BRD1: variants seen among roughly 807,000 people sequenced by gnomAD.
BRD1 encodes bromodomain-containing protein 1.
In BRD1, 24 loss-of-function variants were observed where a neutral mutation model predicts 107.7. The ratio of observed to expected loss-of-function variants is 0.22; its 90% CI spans 0.16 to 0.31. BRD1 has a LOEUF of 0.31. Ranked by LOEUF, BRD1 falls within the 10% of genes least tolerant of loss-of-function variation. The pLI is 1.00. For missense variants in BRD1, 1,279 were observed against 1,638.6 expected, an observed-to-expected ratio of 0.78 and a Z score of 3.79; for synonymous variants, 744 against 686.1, an observed-to-expected ratio of 1.08 and a Z score of -1.32.
chr22:49,819,235 G>A (rs898571243), intron 2 of BRD1, among the ~76,000 whole-genome samples: 20 of 151,958 alleles, frequency 1.3e-4, no homozygotes, highest in African/African-American at 4.3e-4. Context: ...ACTCCAGCCT[G>A]GGCAACAGAG....
At chr22:49,794,357 C>T (rs1419894991) in intron 6 of BRD1, 63 bp from the exon 7 acceptor site, 8 of 1,538,710 alleles carry the variant, frequency 5.2e-6, no homozygotes, top group African/African-American at 1.4e-5. Flanking sequence ...AACACATCAC[C>T]GGTCCCGTCT....
At chr22:49,800,543 AC>A (rs1337383664) in intron 3 of BRD1, among the ~76,000 whole-genome samples, 1 of 152,182 alleles carries the variant, frequency 6.6e-6, no homozygotes, top group Non-Finnish European at 1.5e-5. Context: ...GGAATCTGTT[AC>A]GAAGCGGAAG....
At chr22:49,800,184 G>A (rs181789917) in intron 3 of BRD1, among the ~76,000 whole-genome samples, 413 of 152,246 alleles carry the variant, frequency 2.7e-3, no homozygotes, top group Admixed American at 6.2e-3. Context: ...AAAGACTGCT[G>A]GACTACAAGA....
At position 49,797,880 on chromosome 22, in the gene BRD1, A is replaced by C; in HGVS notation, c.2023T>G (p.Leu675Val). The change falls in exon 6 of 13, where the codon TTG (leucine) becomes GTG (valine). Residue 675 changes from leucine (L) to valine (V), a missense_variant. Physicochemically the swap from Leu to Val is conservative, Grantham distance 32 (BLOSUM62 1). Around this residue, in one of 7 missense-constraint regions of BRD1, gnomAD observed 406 missense variants for 519.4 expected, o/e 0.78. Transcript: ENST00000404760. The stretch of plus-strand genomic sequence containing the variant: ...AGGTGCATCCCCGAGGCCTCTTCCA[A>C]GCCGATGCTGTCCACCTCGCGCCGG... ...QARREVDSIG[L>V]EEASGMHLPE... The C allele has an allele frequency of 1.2e-6, 2 of 1,613,842 alleles. No individual in the cohort carries two copies. The highest frequency in any genetic ancestry group is 1.7e-6 in the Non-Finnish European group (2 of 1,180,034).
In BRD1 at chr22:49,818,413, G is replaced by A. The variant is rs1169674769; in HGVS notation, c.1367+4538C>T. ...GAGTTTTGTTAAACAGATTATGCGT[G>A]TATTTATCCCTCATTTCATGCAATA... is the stretch of plus-strand genomic sequence containing the variant. On this transcript the variant is annotated intron_variant, in intron 2 of 12. Coordinates refer to ENST00000404760, the MANE Select transcript of BRD1 (RefSeq NM_001304808.3). 3 of 1,096,732 alleles carry A rather than the reference G, an allele frequency of 2.7e-6. 1 individual carries two copies. The highest frequency in any genetic ancestry group is 1.6e-5 in the African/African-American group (1 of 60,942). 67.9% of individuals were successfully genotyped at this position (1,096,732 alleles called of 1,614,324 possible).
At position 49,783,180 on chromosome 22, in the gene BRD1, A is replaced by G. The variant is rs1452086409; in HGVS notation, c.2857+4210T>C. ...AGCTGGGATGGTCAGAGACAGACCC[A>G]AGGCCCAGGACAGACGCCTGCACAA... On this transcript the variant is annotated intron_variant, in intron 8 of 12. Transcript: ENST00000404760. This position sits in a 1 kb window ranked among gnomAD's most constrained non-coding sequence, Gnocchi z 4.2. Among the ~76,000 whole-genome samples, 2 of 152,266 alleles carry G rather than the reference A, an allele frequency of 1.3e-5. No individual in the cohort carries two copies. The highest frequency in any genetic ancestry group is 3.8e-4 in the East Asian group (2 of 5,202).
chr22:49,826,216 C>G (rs1181673207), intron 1 of BRD1: 2 of 985,348 alleles, frequency 2.0e-6, no homozygotes, highest in Non-Finnish European at 2.4e-6. Context: ...TAACGACAAG[C>G]AGCCCCTGGA....
intron 2 of BRD1, among the ~76,000 whole-genome samples, chr22:49,821,457 A>C (rs982623081): frequency 2.0e-5 from 3 of 152,230 alleles, no homozygotes; most frequent in Non-Finnish European, 4.4e-5. Context: ...TGGTTTTGAC[A>C]GGGTTTTCCC....
In BRD1 at chr22:49,773,497, G is replaced by C. The variant is rs865818148; in HGVS notation, c.*736C>G. 4 of 152,656 alleles carry C rather than the reference G, an allele frequency of 2.6e-5. No homozygotes were observed. Among genetic ancestry groups the C allele is most frequent in the African/African-American group, 9.6e-5 (4 of 41,570 alleles). The allele number at this position is 152,656 out of a possible 1,614,324, so 9.5% of individuals were successfully genotyped here. ...AGAAAGCCCCTCATTGTAAACAAAAGATTACAAGTTATAAAATCAAAGTAC... is the reference window on the plus strand; with the variant it reads ...AGAAAGCCCCTCATTGTAAACAAAACATTACAAGTTATAAAATCAAAGTAC... On this transcript the variant is annotated 3_prime_UTR_variant, in exon 13 of 13. Coordinates refer to ENST00000404760, the MANE Select transcript of BRD1 (RefSeq NM_001304808.3).
intron 2 of BRD1, among the ~76,000 whole-genome samples, chr22:49,820,681 T>G (rs543343698): frequency 6.6e-6 from 1 of 152,318 alleles, no homozygotes; most frequent in East Asian, 1.9e-4. Context: ...GCCTCCTACA[T>G]GCACCCAGGG....
At chr22:49,816,539 AAAAGTTCCAG>A (rs765885062) in intron 2 of BRD1, among the ~76,000 whole-genome samples, 5 of 152,180 alleles carry the variant, frequency 3.3e-5, no homozygotes, top group Admixed American at 3.3e-4. Flanking sequence ...TGACCCCAGA[AAAAGTTCCAG>A]AATAGTGACA....
chr22:49,807,118 CATAA>C (rs2059761442), intron 2 of BRD1: 1 of 152,052 alleles, frequency 6.6e-6, no homozygotes, highest in Non-Finnish European at 1.5e-5. Context: ...CATGCTGACA[CATAA>C]ATACTTTACC....
intron 12 of BRD1, 88 bp from the exon 13 acceptor site, chr22:49,774,504 C>T: frequency 7.1e-7 from 1 of 1,409,340 alleles, no homozygotes; most frequent in Non-Finnish European, 9.7e-7. Flanking sequence ...AATTCACTGC[C>T]CTCCGATAGA....
intron 7 of BRD1, among the ~76,000 whole-genome samples, chr22:49,789,814 T>A (rs1218592495): frequency 6.6e-6 from 1 of 152,196 alleles, no homozygotes; most frequent in African/African-American, 2.4e-5. Context: ...CGTCCCTGCC[T>A]TGCAGCAGGC....
intron 2 of BRD1, among the ~76,000 whole-genome samples, chr22:49,819,819 C>G (rs982790878): frequency 2.0e-5 from 3 of 151,848 alleles, no homozygotes; most frequent in Non-Finnish European, 2.9e-5. Context: ...TACAAAAAAA[C>G]AGATTATAAC....
chr22:49,779,664 C>G (rs2059166428), intron 8 of BRD1, among the ~76,000 whole-genome samples: 1 of 152,142 alleles, frequency 6.6e-6, no homozygotes, highest in African/African-American at 2.4e-5. Context: ...CACATGCTCC[C>G]CATACTCATC....
In BRD1 at chr22:49,824,587, C is replaced by G; in HGVS notation, c.-14-256G>C. ...CTCCTGAGCACCTGCGTCCCTACCA[C>G]CACACACCAGTCCCCTCTCAGACCA... On this transcript the variant is annotated intron_variant, in intron 1 of 12. Coordinates refer to ENST00000404760, the MANE Select transcript of BRD1 (RefSeq NM_001304808.3). This position sits in a 1 kb window ranked among gnomAD's most constrained non-coding sequence, Gnocchi z 5.9. The G allele has an allele frequency of 7.6e-7, 1 of 1,314,038 alleles. No homozygotes were observed. Among genetic ancestry groups the G allele is most frequent in the Non-Finnish European group, 9.7e-7 (1 of 1,025,722 alleles). 81.4% of individuals were successfully genotyped at this position (1,314,038 alleles called of 1,614,324 possible). A position where few individuals can be genotyped will look rare whatever the true frequency, so the allele number is the denominator to read the frequency against.
At position 49,824,967 on chromosome 22, in the gene BRD1, G is replaced by A. The variant is rs1026946986; in HGVS notation, c.-14-636C>T. Among the ~76,000 whole-genome samples, 10 of 152,074 alleles carry A rather than the reference G, an allele frequency of 6.6e-5. No individual in the cohort carries two copies. Among genetic ancestry groups the A allele is most frequent in the Admixed American group, 3.3e-4 (5 of 15,262 alleles). ...GACAGGCCCTCCACACGCACAACACGGCACAGGGGACCAACAGGGGAGCCC... is the reference window on the plus strand; with the variant it reads ...GACAGGCCCTCCACACGCACAACACAGCACAGGGGACCAACAGGGGAGCCC... On this transcript the variant is annotated intron_variant, in intron 1 of 12. Coordinates refer to ENST00000404760, the MANE Select transcript of BRD1 (RefSeq NM_001304808.3). This position sits in a 1 kb window ranked among gnomAD's most constrained non-coding sequence, Gnocchi z 5.9.
chr22:49,796,517 C>A (rs867100783), intron 6 of BRD1, among the ~76,000 whole-genome samples: 1 of 151,920 alleles, frequency 6.6e-6, no homozygotes, highest in Admixed American at 6.6e-5. Flanking sequence ...CCACCATGCC[C>A]GGCTAATTTT....
Sources: gnomAD v4.1 joint callset for allele counts (sites outside exome capture counted in the v4.1 genomes callset) on GRCh38, gnomAD v4.1.1 for gene constraint, gnomAD v4.1.1 regional missense constraint, Gnocchi (gnomAD v3.1) non-coding constraint, MANE v1.5 for transcripts, NCBI Gene and HGNC (gene_info 2026-07-23, HGNC 2026-07-21) for gene names.